The following RAG1 variants were observed in gnomAD, a reference collection of about 807,000 sequenced individuals.
RAG1 encodes the protein recombination activating 1.
In RAG1, 35 loss-of-function variants were observed where a neutral mutation model predicts 62.7. The observed-to-expected ratio is 0.56, with a 90% CI of 0.43 to 0.74. The LOEUF is 0.74. RAG1 is among the 30% of genes least tolerant of loss of function. RAG1 has a pLI of 0.00. For synonymous variants in RAG1, 461 were observed against 470.3 expected, an observed-to-expected ratio of 0.98 and a Z score of 0.26; for missense variants, 1,169 against 1,278.6, an observed-to-expected ratio of 0.91 and a Z score of 1.31.
At chr11:36,543,631 TCTCCTTCTAAC>T (rs1212201354) in intron 3 of RAG1, among the ~76,000 whole-genome samples, 1 of 152,132 alleles carries the variant, frequency 6.6e-6, no homozygotes, top group Non-Finnish European at 1.5e-5. Flanking sequence ...CTCTTCCATC[TCTCCTTCTAAC>T]CTCCTTCTCT....
chr11:36,568,562 A>G (rs1850692400), intron 1 of RAG1, among the ~76,000 whole-genome samples: 1 of 152,232 alleles, frequency 6.6e-6, no homozygotes, highest in Non-Finnish European at 1.5e-5. Flanking sequence ...CCTAAGTAGG[A>G]GACCAATGTT....
At chr11:36,539,732 C>T (rs764213239), downstream of RAG1, among the ~76,000 whole-genome samples, 14 of 152,208 alleles carry the variant, frequency 9.2e-5, no homozygotes, top group Admixed American at 2.6e-4. Context: ...CCCACCTCGG[C>T]CTCCCAAAAT....
intron 1 of RAG1, among the ~76,000 whole-genome samples, chr11:36,519,377 A>G (rs1026547681): frequency 6.6e-6 from 1 of 152,218 alleles, no homozygotes; most frequent in Non-Finnish European, 1.5e-5. Context: ...CAACAGCTTT[A>G]GTTGCATTGC....
At chr11:36,565,858 T>C (rs995003305), upstream of RAG1, 1 of 152,050 alleles carries the variant, frequency 6.6e-6, no homozygotes, top group East Asian at 1.9e-4. Context: ...GGAGGTGAAA[T>C]TGGGAGAAAC....
downstream of RAG1, among the ~76,000 whole-genome samples, chr11:36,539,283 G>T (rs964666505): frequency 6.6e-6 from 1 of 152,170 alleles, no homozygotes; most frequent in Non-Finnish European, 1.5e-5. Context: ...AAAGGGAGAG[G>T]CCTCAAGAGA....
intron 1 of RAG1, among the ~76,000 whole-genome samples, chr11:36,517,790 T>G (rs148026129): frequency 1.3e-5 from 2 of 152,228 alleles, no homozygotes; most frequent in Non-Finnish European, 2.9e-5. Context: ...ATTTACTAAG[T>G]AGAACATTGC....
intron 1 of RAG1, among the ~76,000 whole-genome samples, chr11:36,572,219 T>C (rs1033024980): frequency 6.6e-6 from 1 of 152,198 alleles, no homozygotes; most frequent in South Asian, 2.1e-4. Context: ...GATGGGATGA[T>C]GGATTGAAAA....
chr11:36,536,814 A>T (rs1313504690), downstream of RAG1, among the ~76,000 whole-genome samples: 1 of 151,472 alleles, frequency 6.6e-6, no homozygotes, highest in East Asian at 1.9e-4. Context: ...GCTGGAGTGC[A>T]GTGGCACGAT....
intron 3 of RAG1, among the ~76,000 whole-genome samples, chr11:36,542,155 C>T (rs546645591): frequency 1.3e-5 from 2 of 152,262 alleles, no homozygotes; most frequent in South Asian, 4.1e-4. Context: ...TCACTATCTT[C>T]CCTCTCTTTA....
chr11:36,566,726 C>T (rs745563660), upstream of RAG1, among the ~76,000 whole-genome samples: 5 of 152,220 alleles, frequency 3.3e-5, no homozygotes, highest in Non-Finnish European at 5.9e-5. Flanking sequence ...GGGAAAAACA[C>T]ACTGAAGCTC....
intron 1 of RAG1, among the ~76,000 whole-genome samples, chr11:36,519,058 A>C (rs1356314022): frequency 6.6e-6 from 1 of 152,212 alleles, no homozygotes; most frequent in Admixed American, 6.5e-5. Flanking sequence ...ATGTCCTTTG[A>C]AGATTTGATA....
rs200823609 is a variant in RAG1, at chr11:36,558,482, T to C, written c.-411-4903T>C. Among the ~76,000 whole-genome samples the C allele has an allele frequency of 5.9e-5, 9 of 152,336 alleles. No individual in the cohort carries two copies. The East Asian group carries it at 1.5e-3, about 26-fold the overall frequency. The stretch of plus-strand genomic sequence containing the variant: ...GGTGCATGTAAATTCACAATCGTTG[T>C]ATCCTCTTACTGAATTGATTCATTT... On this transcript the variant is annotated intron_variant and NMD_transcript_variant, in intron 3 of 9. Transcript: ENST00000534663.
At chr11:36,515,163 C>G (rs1424508442) in intron 1 of RAG1, among the ~76,000 whole-genome samples, 2 of 152,130 alleles carry the variant, frequency 1.3e-5, no homozygotes, top group Non-Finnish European at 2.9e-5. Flanking sequence ...TACATGCGAT[C>G]TGGACAAAAA....
Position 36,575,866 on chromosome 11 carries a change from C to T in RAG1, c.2562C>T (p.Gly854=). The T allele has an allele frequency of 1.2e-6, 2 of 1,614,198 alleles. No individual in the cohort carries two copies. Among genetic ancestry groups the T allele is most frequent in the Non-Finnish European group, 1.7e-6 (2 of 1,180,046 alleles). ...TCAAACCAATCATGAGGATGAATGG[C>T]AACTTTGCCAGGAAGCTCATGACCA... ...MNLKPIMRMN[G]NFARKLMTKE... is the part of the protein sequence containing the mutation. Residue 854 remains glycine (G), a synonymous_variant, in exon 2 of 2, where the codon GGC becomes GGT. Transcript: ENST00000299440. This position sits in a 1 kb window ranked among gnomAD's most constrained non-coding sequence, Gnocchi z 4.1.
chr11:36,521,160 T>C (rs1392873807), intron 2 of RAG1, among the ~76,000 whole-genome samples: 1 of 152,054 alleles, frequency 6.6e-6, no homozygotes, highest in Non-Finnish European at 1.5e-5. Context: ...GGTTTCTCCA[T>C]GTTGGTCAGG....
chr11:36,533,595 T>C (rs989827434), intron 2 of RAG1, among the ~76,000 whole-genome samples: 5 of 152,356 alleles, frequency 3.3e-5, no homozygotes, highest in East Asian at 1.9e-4. Context: ...TTCCTTTTCA[T>C]GGATTATTTT....
rs566707270 is a variant in RAG1 at position 36,558,674 on chromosome 11, T to C, written c.-411-4711T>C. ...TGTGTGTCTTTGTAGTTGAAGTGAG[T>C]TTCTTGTAGATAGCACATGGTTATG... On this transcript the variant is annotated intron_variant and NMD_transcript_variant, in intron 3 of 9. Transcript: ENST00000534663. 7.9e-5 allele frequency among the ~76,000 whole-genome samples: 12 copies of C among 152,300 alleles called. 1 individual carries two copies. Among genetic ancestry groups the C allele is most frequent in the African/African-American group, 2.9e-4 (12 of 41,570 alleles).
At chr11:36,520,662 G>A (rs1860065953) in intron 2 of RAG1, among the ~76,000 whole-genome samples, 2 of 152,286 alleles carry the variant, frequency 1.3e-5, no homozygotes, top group East Asian at 1.9e-4. Flanking sequence ...ATATATAAAA[G>A]GGTTACAAAC....
intron 3 of RAG1, among the ~76,000 whole-genome samples, chr11:36,542,124 G>A (rs145696403): frequency 1.6e-4 from 24 of 152,186 alleles, no homozygotes; most frequent in African/African-American, 5.3e-4. Context: ...GGGTTTGGAC[G>A]GATGAGTTTG....
Sources: allele counts gnomAD v4.1 joint callset (sites outside exome capture counted in the v4.1 genomes callset), GRCh38; gene constraint gnomAD v4.1.1; non-coding constraint Gnocchi (gnomAD v3.1); transcripts MANE v1.5; gene names NCBI Gene and HGNC (gene_info 2026-07-23, HGNC 2026-07-21).